SAP18: variants seen among roughly 807,000 people sequenced by gnomAD.
SAP18 encodes Sin3A associated protein 18, also known as histone deacetylase complex subunit SAP18.
In SAP18, 4 loss-of-function variants were observed where a neutral mutation model predicts 18.6. The ratio of observed to expected loss-of-function variants is 0.21; its 90% CI spans 0.11 to 0.49. The LOEUF is 0.49. Ranked by LOEUF, SAP18 falls within the 20% of genes least tolerant of loss-of-function variation. The pLI, the probability that SAP18 is intolerant of heterozygous loss-of-function variation, is 0.98. For synonymous variants in SAP18, 112 were observed against 82.8 expected, an observed-to-expected ratio of 1.35 and a Z score of -1.92; for missense variants, 170 against 226.4, an observed-to-expected ratio of 0.75 and a Z score of 1.60.
chr13:21,140,591 C>G, exon 1 of SAP18: 1 of 1,609,286 alleles, frequency 6.2e-7, no homozygotes, highest in Non-Finnish European at 8.5e-7. Flanking sequence ...GCGAGCGTCT[C>G]GCAGGCCGTA....
rs897474759 is a variant in SAP18 at position 21,145,739 on chromosome 13, G to C, written c.240-1066G>C. ...TGTTGGCCAGGCTGCTCTCGAACTT[G>C]AGCTCCTGGCCTCAGGTGATCCACC... On this transcript the variant is annotated intron_variant, in intron 2 of 3. Transcript: ENST00000621421. Among the ~76,000 whole-genome samples the C allele has an allele frequency of 5.3e-5, 8 of 152,162 alleles. 1 individual carries two copies. Among genetic ancestry groups the C allele is most frequent in the African/African-American group, 1.4e-4 (6 of 41,436 alleles).
At chr13:21,147,539 T>TA (rs1869691497) in exon 4 of SAP18, 2 of 571,646 alleles carry the variant, frequency 3.5e-6, no homozygotes, top group East Asian at 6.2e-5. Context: ...TTCTGTAAAA[T>TA]ATGAAGAAAA....
chr13:21,140,843 T>G (rs1336907574), intron 1 of SAP18, 43 bp from the exon 2 acceptor site: 2 of 1,584,834 alleles, frequency 1.3e-6, no homozygotes, highest in East Asian at 4.5e-5. Context: ...GGTTCGCAGC[T>G]GGTGTTTTTA....
chr13:21,143,978 G>C (rs1313296562), intron 2 of SAP18, among the ~76,000 whole-genome samples: 4 of 152,160 alleles, frequency 2.6e-5, no homozygotes, highest in Admixed American at 2.6e-4. Context: ...GTAGACTGTG[G>C]GGTTAAATAG....
upstream of SAP18, among the ~76,000 whole-genome samples, chr13:21,140,257 A>T (rs1869392015): frequency 6.6e-6 from 1 of 152,188 alleles, no homozygotes; most frequent in East Asian, 1.9e-4. Flanking sequence ...CTAATAAAGG[A>T]ACGCTTTGTG....
chr13:21,141,255 G>A (rs1869455804), intron 2 of SAP18: 1 of 528,126 alleles, frequency 1.9e-6, no homozygotes, highest in Admixed American at 3.2e-5. Context: ...TCACTGTTAT[G>A]GCTGCTAGGT....
chr13:21,141,205 A>T, intron 2 of SAP18: 2 of 582,268 alleles, frequency 3.4e-6, no homozygotes. Context: ...TAATGTTGCA[A>T]CTTTTGGGCG....
chr13:21,144,077 T>C (rs180846411), intron 2 of SAP18, among the ~76,000 whole-genome samples: 118 of 152,250 alleles, frequency 7.8e-4, no homozygotes, highest in African/African-American at 2.7e-3. Context: ...CAATCAGGGC[T>C]CAGCCAGAAA....
exon 4 of SAP18, chr13:21,148,300 G>C (rs117811759): frequency 6.6e-6 from 1 of 152,152 alleles, no homozygotes; most frequent in Non-Finnish European, 1.5e-5. Flanking sequence ...TTTTAAAAGA[G>C]CTTAGAATGG....
At chr13:21,140,463 A>G (rs1222219672), upstream of SAP18, 9 of 1,420,192 alleles carry the variant, frequency 6.3e-6, no homozygotes, top group African/African-American at 1.4e-5. Context: ...CTCACCACGC[A>G]CGGAAGTGCG....
chr13:21,141,595 C>T (rs879762470), intron 2 of SAP18: 4 of 154,986 alleles, frequency 2.6e-5, no homozygotes, highest in Admixed American at 6.3e-5. Flanking sequence ...CTGCACATAA[C>T]TCCTTGGATT....
At chr13:21,142,272 GCGAGA>G (rs1465430564) in intron 2 of SAP18, among the ~76,000 whole-genome samples, 11 of 150,990 alleles carry the variant, frequency 7.3e-5, no homozygotes. Flanking sequence ...GGGCGACAGA[GCGAGA>G]CTCTGTCTCA....
exon 1 of SAP18, chr13:21,140,538 A>C: frequency 6.4e-7 from 1 of 1,573,104 alleles, no homozygotes. Context: ...TCTCCTCGCG[A>C]GAGACTTAGT....
intron 2 of SAP18, among the ~76,000 whole-genome samples, chr13:21,145,630 C>A (rs975213685): frequency 1.3e-5 from 2 of 152,110 alleles, no homozygotes; most frequent in Non-Finnish European, 2.9e-5. Flanking sequence ...CTCAGCCTCT[C>A]GAGTAGCTGG....
At chr13:21,144,377 G>A (rs1869567918) in intron 2 of SAP18, among the ~76,000 whole-genome samples, 1 of 123,234 alleles carries the variant, frequency 8.1e-6, no homozygotes, top group Non-Finnish European at 1.6e-5. Context: ...CTGCACTCCA[G>A]CCCGGGCGAC....
intron 2 of SAP18, among the ~76,000 whole-genome samples, chr13:21,146,144 C>T (rs948842362): frequency 3.3e-5 from 5 of 152,088 alleles, no homozygotes; most frequent in African/African-American, 7.2e-5. Context: ...GTCAGGAGTT[C>T]GAGACCAGCA....
chr13:21,147,590 A>G (rs1342714371), exon 4 of SAP18: 4 of 412,776 alleles, frequency 9.7e-6, no homozygotes. Flanking sequence ...TGTTAAATAT[A>G]TGTGTGTAAT....
In SAP18 at chr13:21,147,005, A is replaced by G. The variant is rs931059666; in HGVS notation, c.362+78A>G. 1.9e-5 allele frequency: 28 copies of G among 1,491,084 alleles called. No homozygotes were observed. In the Admixed American group the frequency reaches 2.2e-4, roughly 11 times the overall value. The allele number at this position is 1,491,084 out of a possible 1,614,324, so 92.4% of individuals were successfully genotyped here. A position where few individuals can be genotyped will look rare whatever the true frequency, so the allele number is the denominator to read the frequency against. ...TTAACTGATACAGATAACTCCTTCA[A>G]TGAATCTTGTTAGTGGGAGAATATG... On this transcript the variant is annotated intron_variant, in intron 3 of 3. Transcript: ENST00000621421.
intron 2 of SAP18, among the ~76,000 whole-genome samples, chr13:21,142,094 C>T (rs1043306398): frequency 6.7e-6 from 1 of 150,276 alleles, no homozygotes; most frequent in Non-Finnish European, 1.5e-5. Flanking sequence ...CGAGACCAGT[C>T]TGGCCAGCGT....
Sources: gnomAD v4.1 joint callset for allele counts (sites outside exome capture counted in the v4.1 genomes callset) on GRCh38, gnomAD v4.1.1 for gene constraint, MANE v1.5 for transcripts, NCBI Gene and HGNC (gene_info 2026-07-23, HGNC 2026-07-21) for gene names.